The following CRYBB2 variants were observed in gnomAD, a reference collection of about 807,000 sequenced individuals.
CRYBB2 encodes the protein crystallin beta B2, also known as beta-crystallin B2.
A neutral mutation model predicts 24.3 loss-of-function variants in CRYBB2; 12 were observed. The ratio of observed to expected loss-of-function variants is 0.49; its 90% confidence interval spans 0.32 to 0.80. CRYBB2 has a LOEUF of 0.80. Ranked by LOEUF, CRYBB2 falls within the 30% of genes least tolerant of loss-of-function variation. The pLI is 0.04. For synonymous variants in CRYBB2, 98 were observed against 101.6 expected (o/e 0.96, Z 0.21); for missense variants, 198 against 268.5 (o/e 0.74, Z 1.83).
chr22:25,224,986 G>A lies in CRYBB2; in HGVS notation c.123G>A (p.Leu41=). 6.2e-7 allele frequency: 1 copy of A among 1,613,650 alleles called. No individual in the cohort carries two copies. The change falls in exon 3 of 6, where the codon CTG becomes CTA. Residue 41 remains leucine, a synonymous_variant. Transcript: ENST00000398215. ...SHELNGPCPN[L]KETGVEKAGS... is the part of the protein sequence containing the mutation. The stretch of plus-strand genomic sequence containing the variant: ...AGCTCAATGGGCCCTGCCCCAACCT[G>A]AAGGAAACTGGCGTGGAGAAGGCAG...
At chr22:25,218,084 A>C (rs9624750), upstream of CRYBB2, among the ~76,000 whole-genome samples, 19,875 of 151,424 alleles carry the variant, frequency 0.13, 1,432 homozygotes, top group East Asian at 0.29. Flanking sequence ...ACAGTGAAAC[A>C]CCGTCTCTAC....
chr22:25,229,217 A>G (rs1307554582), intron 4 of CRYBB2, among the ~76,000 whole-genome samples: 2 of 152,212 alleles, frequency 1.3e-5, no homozygotes, highest in Non-Finnish European at 2.9e-5. Flanking sequence ...AACATTCCCC[A>G]AAGTGTTGCA....
In CRYBB2 at chr22:25,225,086, C is replaced by A; in HGVS notation, c.173+50C>A. The A allele has an allele frequency of 2.9e-6, 3 of 1,020,822 alleles. No homozygotes were observed. In the South Asian group the frequency reaches 3.8e-5, roughly 13 times the overall value. 63.2% of individuals were successfully genotyped at this position (1,020,822 alleles called of 1,614,324 possible). A position where few individuals can be genotyped will look rare whatever the true frequency, so the allele number is the denominator to read the frequency against. On this transcript the variant is annotated intron_variant, in intron 3 of 5. Coordinates refer to ENST00000398215, the MANE Select transcript of CRYBB2 (RefSeq NM_000496.3). Reference sequence around the variant, plus strand: ...GGTCAGGGACTTTGGGTGAGGTGATCAAGTTGTGGAGTGGGGGAATCTACC... The same window carrying A: ...GGTCAGGGACTTTGGGTGAGGTGATAAAGTTGTGGAGTGGGGGAATCTACC...
At position 25,227,317 on chromosome 22, in the gene CRYBB2, A is replaced by C. The variant is rs539557505; in HGVS notation, c.174-536A>C. Among the ~76,000 whole-genome samples, 79 of 152,226 alleles carry C rather than the reference A, an allele frequency of 5.2e-4. 1 individual carries two copies. The highest frequency in any genetic ancestry group is 9.0e-4 in the Non-Finnish European group (61 of 68,036). On this transcript the variant is annotated intron_variant, in intron 3 of 5. Transcript: ENST00000398215. Reference sequence around the variant, plus strand: ...GGCAGAGTCTAACAACAGGAACAAGAGAAGAAACAGATCCAAAGAGAGGGG... The same window carrying C: ...GGCAGAGTCTAACAACAGGAACAAGCGAAGAAACAGATCCAAAGAGAGGGG...
chr22:25,224,220 CT>C (rs1188044281), intron 2 of CRYBB2, among the ~76,000 whole-genome samples: 1 of 151,778 alleles, frequency 6.6e-6, no homozygotes, highest in East Asian at 1.9e-4. Flanking sequence ...GGTCCCTTCA[CT>C]TTGCAGAGCT....
At chr22:25,214,837 C>T (rs1019652421), upstream of CRYBB2, among the ~76,000 whole-genome samples, 9 of 152,216 alleles carry the variant, frequency 5.9e-5, no homozygotes, top group African/African-American at 2.2e-4. Context: ...AATCCCAGCT[C>T]TACCACTTCG....
upstream of CRYBB2, among the ~76,000 whole-genome samples, chr22:25,216,128 C>T (rs1935166620): frequency 6.7e-6 from 1 of 149,590 alleles, no homozygotes; most frequent in African/African-American, 2.4e-5. Context: ...TATAAGGACA[C>T]AGCCAGGTCT....
upstream of CRYBB2, among the ~76,000 whole-genome samples, chr22:25,211,993 A>G (rs1418645702): frequency 6.6e-6 from 1 of 152,222 alleles, no homozygotes; most frequent in Non-Finnish European, 1.5e-5. Context: ...CTGTTGCCTC[A>G]TCTGTAACAT....
chr22:25,216,265 G>A (rs751104527), upstream of CRYBB2, among the ~76,000 whole-genome samples: 2 of 152,158 alleles, frequency 1.3e-5, no homozygotes, highest in African/African-American at 2.4e-5. Flanking sequence ...TGGAAATAGG[G>A]TCTTTACAGA....
chr22:25,230,154 CTT>C (rs60217259), intron 5 of CRYBB2, among the ~76,000 whole-genome samples: 9,371 of 143,468 alleles, frequency 0.065, 606 homozygotes, highest in African/African-American at 0.17. Flanking sequence ...CTTGTAAGAA[CTT>C]TTTTTTTTTT....
chr22:25,220,110 A>T (rs1404621706), intron 1 of CRYBB2, among the ~76,000 whole-genome samples: 2 of 152,136 alleles, frequency 1.3e-5, no homozygotes, highest in Non-Finnish European at 2.9e-5. Context: ...AGGGGATAGG[A>T]TGCAGCCACA....
At chr22:25,218,842 A>AAGAAAGAAAGAAAGAGAG (rs1935271046), upstream of CRYBB2, among the ~76,000 whole-genome samples, 1 of 118,804 alleles carries the variant, frequency 8.4e-6, no homozygotes, top group Non-Finnish European at 1.8e-5. Context: ...AAGAAAGAGA[A>AAGAAAGAAAGAAAGAGAG]AGAAAGAAAG....
At chr22:25,216,122 A>C (rs1468781985), upstream of CRYBB2, among the ~76,000 whole-genome samples, 1 of 151,322 alleles carries the variant, frequency 6.6e-6, no homozygotes, top group Non-Finnish European at 1.5e-5. Flanking sequence ...CTTATTTATA[A>C]GGACACAGCC....
rs764256992 is a variant in CRYBB2 at position 25,224,956 on chromosome 22, G to A, written c.93G>A (p.Ser31=). 7 of 1,612,132 alleles carry A rather than the reference G, an allele frequency of 4.3e-6. No homozygotes were observed. The highest frequency in any genetic ancestry group is 4.5e-5 in the East Asian group (2 of 44,862). The change falls in exon 3 of 6, where the codon TCG becomes TCA. Residue 31 remains serine, a synonymous_variant. Transcript: ENST00000398215. ...IFEQENFQGH[S]HELNGPCPNL... is the part of the protein sequence containing the mutation. ...AGCAGGAAAACTTTCAAGGCCACTC[G>A]CATGAGCTCAATGGGCCCTGCCCCA...
At chr22:25,220,148 G>A (rs12157340) in intron 1 of CRYBB2, among the ~76,000 whole-genome samples, 49 of 152,274 alleles carry the variant, frequency 3.2e-4, no homozygotes, top group African/African-American at 1.0e-3. Context: ...AGCAACAGGT[G>A]ATTTCAATGC....
chr22:25,224,297 T>G (rs1377696248), intron 2 of CRYBB2, among the ~76,000 whole-genome samples: 7 of 152,006 alleles, frequency 4.6e-5, no homozygotes, highest in African/African-American at 1.5e-4. Flanking sequence ...TAGGTTTGAG[T>G]GTTAGAATTT....
At chr22:25,221,630 G>A in intron 2 of CRYBB2, 147 bp downstream of exon 2, 1 of 653,058 alleles carries the variant, frequency 1.5e-6, no homozygotes, top group Non-Finnish European at 2.8e-6. Flanking sequence ...TACCCACACA[G>A]TTGGAGCTGA....
chr22:25,218,832 AAGAAAG>A (rs1281109601), upstream of CRYBB2, among the ~76,000 whole-genome samples: 62 of 113,170 alleles, frequency 5.5e-4, 1 homozygote, highest in East Asian at 1.5e-3. Context: ...GAAAGAAAGA[AAGAAAG>A]AGAAAGAAAG....
In CRYBB2 at chr22:25,229,464, A is replaced by G; in HGVS notation, c.335A>G (p.Tyr112Cys). The change falls in exon 5 of 6, where the codon TAT (tyrosine) becomes TGT (cysteine). Residue 112 changes from tyrosine to cysteine, a missense_variant. Coordinates refer to ENST00000398215, the MANE Select transcript of CRYBB2 (RefSeq NM_000496.3). The part of the protein sequence containing the change: ...VDSQEHKIIL[Y>C]ENPNFTGKKM... ...AGCCAAGAGCACAAGATCATCCTCT[A>G]TGAAAACCCCAACTTCACCGGGAAG... 10 of 1,612,842 alleles carry G rather than the reference A, an allele frequency of 6.2e-6. No individual in the cohort carries two copies. Among genetic ancestry groups the G allele is most frequent in the East Asian group, 2.2e-5 (1 of 44,820 alleles).
Sources: gnomAD v4.1 joint callset for allele counts (sites outside exome capture counted in the v4.1 genomes callset) on GRCh38, gnomAD v4.1.1 for gene constraint, MANE v1.5 for transcripts, NCBI Gene and HGNC (gene_info 2026-07-23, HGNC 2026-07-21) for gene names.